The following ATP10D variants were observed in gnomAD, a reference collection of about 807,000 sequenced individuals.
ATP10D encodes phospholipid-transporting ATPase VD.
ATP10D carries 89 observed loss-of-function variants against 144.8 expected under a neutral mutation model. The ratio of observed to expected loss-of-function variants is 0.61; its 90% CI spans 0.52 to 0.73. ATP10D has a LOEUF of 0.73. Ranked by LOEUF, ATP10D falls within the 30% of genes least tolerant of loss-of-function variation. ATP10D has a pLI of 0.00. For synonymous variants in ATP10D, 571 were observed against 615.1 expected (o/e 0.93, Z 1.06); for missense variants, 1,603 against 1,714.8 (o/e 0.93, Z 1.15).
At chr4:47,513,538 G>C (rs1012275741) in intron 2 of ATP10D, among the ~76,000 whole-genome samples, 5 of 152,198 alleles carry the variant, frequency 3.3e-5, no homozygotes, top group Non-Finnish European at 5.9e-5. Flanking sequence ...CTTAATAACA[G>C]AGGGTGGGTG....
intron 18 of ATP10D, 140 bp from the exon 19 acceptor site, chr4:47,576,633 G>T: frequency 1.3e-6 from 1 of 744,258 alleles, no homozygotes; most frequent in Non-Finnish European, 2.3e-6. Context: ...AAAGCTGCAA[G>T]GTAAATTGTG....
intron 3 of ATP10D, 39 bp from the exon 4 acceptor site, chr4:47,522,973 T>C: frequency 6.7e-7 from 1 of 1,486,940 alleles, no homozygotes; most frequent in East Asian, 2.4e-5. Context: ...ATTTTTCACT[T>C]GATATTCTTT....
At chr4:47,519,213 T>C (rs1716827243) in intron 3 of ATP10D, among the ~76,000 whole-genome samples, 1 of 152,234 alleles carries the variant, frequency 6.6e-6, no homozygotes, top group Non-Finnish European at 1.5e-5. Context: ...CCACCCTTCA[T>C]TCTTACTTCT....
chr4:47,528,907 G>A (rs142559245), intron 5 of ATP10D, among the ~76,000 whole-genome samples: 160 of 152,170 alleles, frequency 1.1e-3, no homozygotes, highest in African/African-American at 3.7e-3. Context: ...CTGATGACTC[G>A]TGATGCTGAC....
chr4:47,533,913 G>A (rs574310593), intron 5 of ATP10D, among the ~76,000 whole-genome samples: 35 of 152,094 alleles, frequency 2.3e-4, no homozygotes, highest in African/African-American at 8.0e-4. Flanking sequence ...ACTTAAATGA[G>A]TCACAACCAC....
intron 5 of ATP10D, among the ~76,000 whole-genome samples, chr4:47,531,834 G>A (rs572062075): frequency 2.6e-5 from 4 of 152,270 alleles, no homozygotes; most frequent in Admixed American, 6.5e-5. Flanking sequence ...AGCTGGGCAC[G>A]CTGACTCCCT....
At chr4:47,559,118 C>T in intron 13 of ATP10D, 89 bp downstream of exon 13, 1 of 979,482 alleles carries the variant, frequency 1.0e-6, no homozygotes, top group Non-Finnish European at 1.6e-6. Flanking sequence ...AAACCCTAAT[C>T]CAGATGCTGG....
chr4:47,562,529 C>T (rs904461275), intron 14 of ATP10D, among the ~76,000 whole-genome samples: 4 of 152,074 alleles, frequency 2.6e-5, no homozygotes, highest in South Asian at 2.1e-4. Flanking sequence ...TCTGTTAAAA[C>T]GTCAGAAGAC....
chr4:47,525,765 C>T (rs1717213034), intron 5 of ATP10D, 123 bp downstream of exon 5: 3 of 729,142 alleles, frequency 4.1e-6, no homozygotes, highest in African/African-American at 1.8e-5. Flanking sequence ...GTAACTTTAG[C>T]CACCTACTAA....
chr4:47,548,548 G>A lies in ATP10D; in HGVS notation c.1635+1686G>A, dbSNP rs1009653256. On this transcript the variant is annotated intron_variant, in intron 10 of 22. Coordinates refer to ENST00000273859, the MANE Select transcript of ATP10D (RefSeq NM_020453.4). ...GAATCAACATCTAGCACAAAGGCTG[G>A]CATGTCCATTCTCAATAAAGTATTT... Among the ~76,000 whole-genome samples, 3 of 152,142 alleles carry A rather than the reference G, an allele frequency of 2.0e-5. No homozygotes were observed. In the East Asian group the frequency reaches 5.8e-4, roughly 29 times the overall value.
At chr4:47,492,619 C>T (rs549043359) in intron 1 of ATP10D, among the ~76,000 whole-genome samples, 1 of 152,170 alleles carries the variant, frequency 6.6e-6, no homozygotes, top group South Asian at 2.1e-4. Context: ...GCTTTTATTG[C>T]GTTAAGTCAT....
chr4:47,544,315 G>A (rs1344928904), intron 9 of ATP10D, among the ~76,000 whole-genome samples: 3 of 152,206 alleles, frequency 2.0e-5, no homozygotes, highest in Non-Finnish European at 4.4e-5. Context: ...ATGAGTAAGA[G>A]TCAGTATAGC....
At chr4:47,571,077 G>A (rs1217477270) in intron 16 of ATP10D, among the ~76,000 whole-genome samples, 1 of 151,734 alleles carries the variant, frequency 6.6e-6, no homozygotes, top group African/African-American at 2.4e-5. Flanking sequence ...TAACAACTTG[G>A]GTGAAAAGAT....
chr4:47,535,799 A>G, intron 6 of ATP10D, 103 bp from the exon 7 acceptor site: 1 of 1,386,424 alleles, frequency 7.2e-7, no homozygotes, highest in Non-Finnish European at 9.7e-7. Flanking sequence ...TAGATCATGT[A>G]ACTGTGTTTT....
chr4:47,569,117 G>T lies in ATP10D; in HGVS notation c.3134G>T (p.Ser1045Ile). The T allele has an allele frequency of 6.2e-7, 1 of 1,613,816 alleles. No homozygotes were observed. Among genetic ancestry groups the T allele is most frequent in the Non-Finnish European group, 8.5e-7 (1 of 1,179,980 alleles). The change falls in exon 16 of 23, where the codon AGC becomes ATC. Residue 1045 changes from serine to isoleucine, a missense_variant. Transcript: ENST00000273859. The part of the protein sequence containing the change: ...QKSEVVKLVR[S>I]HLQVMTLAIG... ...AGTGAAGTGGTGAAATTGGTCCGCA[G>T]CCATCTCCAGGTGATGACCCTTGCT...
rs375980643 is a variant in ATP10D at position 47,512,620 on chromosome 4, C to A, written c.80C>A (p.Pro27Gln). Residue 27 changes from proline (P) to glutamine (Q), a missense_variant, in exon 2 of 23, where the codon CCA becomes CAA. Coordinates refer to ENST00000273859, the MANE Select transcript of ATP10D (RefSeq NM_020453.4). Reference protein sequence around the residue: ...RGATRDDDSGPYNYSSLLACG... With the variant: ...RGATRDDDSGQYNYSSLLACG... ...GCAACCAGGGATGATGATTCAGGGC[C>A]ATACAACTATTCCTCGTTGCTCGCC... 9.9e-6 allele frequency: 16 copies of A among 1,614,158 alleles called. No homozygotes were observed. Among genetic ancestry groups the A allele is most frequent in the Non-Finnish European group, 1.1e-5 (13 of 1,180,024 alleles).
chr4:47,526,985 G>A (rs538770568), intron 5 of ATP10D, among the ~76,000 whole-genome samples: 53 of 152,138 alleles, frequency 3.5e-4, no homozygotes, highest in Non-Finnish European at 6.9e-4. Flanking sequence ...GTGGAGATGC[G>A]AAATAACTAA....
Position 47,535,992 on chromosome 4 carries a change from G to A in ATP10D, c.974G>A (p.Cys325Tyr). The change falls in exon 7 of 23, where the codon TGT (cysteine) becomes TAT (tyrosine). Residue 325 changes from cysteine to tyrosine, a missense_variant. Transcript: ENST00000273859. Reference sequence around the variant, plus strand: ...AGAGCAAACACAGATGTCCTCTGGTGTGTCATGCTTCTGGTCATAATGTGC... The same window carrying A: ...AGAGCAAACACAGATGTCCTCTGGTATGTCATGCTTCTGGTCATAATGTGC... Reference protein sequence around the residue: ...ERRANTDVLWCVMLLVIMCLT... With the variant: ...ERRANTDVLWYVMLLVIMCLT... 1 of 1,613,074 alleles carries A rather than the reference G, an allele frequency of 6.2e-7. No homozygotes were observed. Among genetic ancestry groups the A allele is most frequent in the South Asian group, 1.1e-5 (1 of 91,038 alleles).
intron 1 of ATP10D, among the ~76,000 whole-genome samples, chr4:47,487,231 C>CA (rs1478374325): frequency 5.4e-5 from 7 of 128,452 alleles, no homozygotes; most frequent in African/African-American, 1.7e-4. Flanking sequence ...CTCCGTCCCC[C>CA]AAAAAAAAAA....
Sources: allele counts gnomAD v4.1 joint callset (sites outside exome capture counted in the v4.1 genomes callset), GRCh38; gene constraint gnomAD v4.1.1; transcripts MANE v1.5; gene names NCBI Gene and HGNC (gene_info 2026-07-23, HGNC 2026-07-21).